NINL: variants seen among roughly 807,000 people sequenced by gnomAD.
The protein encoded by NINL is ninein like.
Under a neutral mutation model 160.3 loss-of-function variants are expected in NINL, and 153 were observed. The ratio of observed to expected loss-of-function variants is 0.95; its 90% CI spans 0.84 to 1.09. The LOEUF (loss-of-function observed/expected upper bound fraction) is 1.09. Ranked by LOEUF, NINL falls within the 50% of genes least tolerant of loss-of-function variation. NINL has a pLI of 0.00. For missense variants in NINL, 1,829 were observed against 1,764.0 expected (o/e 1.04, Z -0.66); for synonymous variants, 800 against 734.8 (o/e 1.09, Z -1.43).
chr20:25,533,822 A>C (rs1218654165), intron 1 of NINL, among the ~76,000 whole-genome samples: 2 of 152,256 alleles, frequency 1.3e-5, no homozygotes, highest in African/African-American at 4.8e-5. Context: ...CCTTAAATGT[A>C]AGACCTAAAA....
intron 1 of NINL, among the ~76,000 whole-genome samples, chr20:25,537,604 C>T (rs1048488771): frequency 3.3e-5 from 5 of 152,164 alleles, no homozygotes; most frequent in Admixed American, 6.5e-5. Flanking sequence ...ACGGATGCAG[C>T]GCCCCACATG....
chr20:25,517,116 C>G (rs576921603), intron 3 of NINL, among the ~76,000 whole-genome samples: 18 of 152,226 alleles, frequency 1.2e-4, no homozygotes, highest in African/African-American at 4.1e-4. Context: ...TTCCGCTTTC[C>G]CGTCCTCTGT....
chr20:25,464,994 A>G (rs2062877672), intron 19 of NINL, among the ~76,000 whole-genome samples: 1 of 152,068 alleles, frequency 6.6e-6, no homozygotes, highest in Non-Finnish European at 1.5e-5. Flanking sequence ...TTAATTTTGA[A>G]CTTGCATTCA....
At chr20:25,527,725 T>C (rs1477915446) in intron 1 of NINL, among the ~76,000 whole-genome samples, 2 of 152,178 alleles carry the variant, frequency 1.3e-5, no homozygotes, top group Non-Finnish European at 2.9e-5. Context: ...AGACTAAAAA[T>C]CCTGGATGCC....
intron 13 of NINL, among the ~76,000 whole-genome samples, chr20:25,484,032 G>A (rs1218732213): frequency 2.6e-5 from 4 of 152,212 alleles, no homozygotes; most frequent in Non-Finnish European, 4.4e-5. Context: ...CCACCATGCT[G>A]TGATGAAGCC....
At chr20:25,483,101 G>T (rs1448786711) in intron 13 of NINL, among the ~76,000 whole-genome samples, 2 of 151,124 alleles carry the variant, frequency 1.3e-5, no homozygotes, top group Admixed American at 1.3e-4. Context: ...TTGGGAGGCT[G>T]AGGTGGGCAG....
At chr20:25,475,604 G>A (rs943242877) in intron 17 of NINL, among the ~76,000 whole-genome samples, 1 of 152,092 alleles carries the variant, frequency 6.6e-6, no homozygotes, top group African/African-American at 2.4e-5. Context: ...GGGCGCAGTG[G>A]CTCACGCCTG....
At chr20:25,567,693 T>C (rs1600356719) in intron 1 of NINL, among the ~76,000 whole-genome samples, 2 of 152,208 alleles carry the variant, frequency 1.3e-5, no homozygotes, top group South Asian at 4.1e-4. Context: ...ATAAAACATA[T>C]ATCAATACAT....
In NINL at chr20:25,569,444, A is replaced by T. The variant is rs975416212; in HGVS notation, c.-12+16011T>A. 3.9e-4 allele frequency among the ~76,000 whole-genome samples: 60 copies of T among 152,270 alleles called. 1 individual carries two copies. The highest frequency in any genetic ancestry group is 1.4e-3 in the African/African-American group (57 of 41,558). ...GGAGCGTCTGTGATAATGCTTCCCA[A>T]GGGAGCGCCACAGTGCTGGGTTGGA... On this transcript the variant is annotated intron_variant, in intron 1 of 23. Transcript: ENST00000278886.
At chr20:25,558,947 T>C (rs1320407741) in intron 1 of NINL, among the ~76,000 whole-genome samples, 1 of 152,252 alleles carries the variant, frequency 6.6e-6, no homozygotes, top group Non-Finnish European at 1.5e-5. Flanking sequence ...CGCTTGCACC[T>C]TCTGCTTTTC....
chr20:25,578,129 T>C (rs1311892280), intron 1 of NINL, among the ~76,000 whole-genome samples: 1 of 150,492 alleles, frequency 6.6e-6, no homozygotes, highest in Non-Finnish European at 1.5e-5. Context: ...TTTTTTTTTT[T>C]AGACGGAATC....
rs768618781 is a variant in NINL at position 25,505,095 on chromosome 20, G to A, written c.518-17C>T. The A allele has an allele frequency of 4.5e-6, 7 of 1,554,782 alleles. No homozygotes were observed. The South Asian group carries it at 8.7e-5, about 19-fold the overall frequency. On this transcript the variant is annotated splice_polypyrimidine_tract_variant and intron_variant, in intron 5 of 23. Transcript: ENST00000278886. ...GCAGCTGTCCTGAAGCAAGGGAGGA[G>A]TCACAGTTACACCCTGATACATACA...
At chr20:25,540,092 A>G in intron 1 of NINL, 1 of 1,256,452 alleles carries the variant, frequency 8.0e-7, no homozygotes, top group Non-Finnish European at 1.0e-6. Flanking sequence ...TTGGTATTCC[A>G]CATCTGCATA....
chr20:25,509,636 C>T (rs140263779), intron 5 of NINL: 7 of 456,590 alleles, frequency 1.5e-5, no homozygotes, highest in South Asian at 6.2e-5. Context: ...TAGAGCTCAG[C>T]GTCTGGCCAC....
intron 13 of NINL, among the ~76,000 whole-genome samples, chr20:25,482,786 G>A: frequency 6.6e-6 from 1 of 152,164 alleles, no homozygotes; most frequent in East Asian, 2.0e-4. Flanking sequence ...CATTCTGGGA[G>A]GCCCAGATGA....
At position 25,532,100 on chromosome 20, in the gene NINL, C is replaced by G. The variant is rs543823144; in HGVS notation, c.-11-5502G>C. Among the ~76,000 whole-genome samples the G allele has an allele frequency of 2.8e-4, 43 of 152,310 alleles. No homozygotes were observed. The South Asian group carries it at 8.9e-3, about 32-fold the overall frequency. ...ACGACACTGCAAACCCTCTGTGGAA[C>G]TAAGAGAGGCACAAAAAAGGAAAGA... On this transcript the variant is annotated intron_variant, in intron 1 of 23. Coordinates refer to ENST00000278886, the MANE Select transcript of NINL (RefSeq NM_025176.6).
intron 1 of NINL, among the ~76,000 whole-genome samples, chr20:25,545,412 C>A (rs1174181988): frequency 6.6e-6 from 1 of 152,116 alleles, no homozygotes; most frequent in Non-Finnish European, 1.5e-5. Flanking sequence ...CCTAAAGTCT[C>A]CCCTTTTCAT....
chr20:25,474,413 C>T lies in NINL; in HGVS notation c.3248+1630G>A, dbSNP rs896206973. On this transcript the variant is annotated intron_variant, in intron 17 of 23. Transcript: ENST00000278886. Reference sequence around the variant, plus strand: ...GAAATGCACACGAAGGAAGAACAGACGGACCAAGGGCCAACCATGCAGTGT... The same window carrying T: ...GAAATGCACACGAAGGAAGAACAGATGGACCAAGGGCCAACCATGCAGTGT... 1.2e-4 allele frequency among the ~76,000 whole-genome samples: 19 copies of T among 152,330 alleles called. No individual in the cohort carries two copies. The East Asian group carries it at 2.9e-3, about 23-fold the overall frequency.
Position 25,480,146 on chromosome 20 carries a change from C to T in NINL, c.1917+15G>A. 1.2e-6 allele frequency: 2 copies of T among 1,600,698 alleles called. No homozygotes were observed. Among genetic ancestry groups the T allele is most frequent in the Non-Finnish European group, 1.7e-6 (2 of 1,167,982 alleles). ...GCTACTCCCCCAGGGCCCCACAGCC[C>T]CATAATCCCCTCACCTTGGTCTCCA... On this transcript the variant is annotated intron_variant, in intron 15 of 23. Transcript: ENST00000278886.
Sources: allele counts gnomAD v4.1 joint callset (sites outside exome capture counted in the v4.1 genomes callset), GRCh38; gene constraint gnomAD v4.1.1; transcripts MANE v1.5; gene names NCBI Gene and HGNC (gene_info 2026-07-23, HGNC 2026-07-21).